ZNF385D: variants seen among roughly 807,000 people sequenced by gnomAD.
The protein encoded by ZNF385D is zinc finger protein 385D.
A neutral mutation model predicts 35.8 loss-of-function variants in ZNF385D; 15 were observed. The ratio of observed to expected loss-of-function variants is 0.42; its 90% CI spans 0.28 to 0.64. The LOEUF is 0.64. Ranked by LOEUF, ZNF385D falls within the 30% of genes least tolerant of loss-of-function variation. ZNF385D has a pLI of 0.23. For synonymous variants in ZNF385D, 212 were observed against 186.8 expected (o/e 1.13, Z -1.10); for missense variants, 474 against 494.6 (o/e 0.96, Z 0.39).
At chr3:21,918,615 A>G (rs772693362) in intron 3 of ZNF385D, among the ~76,000 whole-genome samples, 4 of 152,182 alleles carry the variant, frequency 2.6e-5, no homozygotes, top group Non-Finnish European at 4.4e-5. Context: ...GAAAAGTGAA[A>G]TAATAGCAGA....
chr3:22,179,931 A>C (rs543241680), intron 2 of ZNF385D, among the ~76,000 whole-genome samples: 1 of 152,320 alleles, frequency 6.6e-6, no homozygotes, highest in South Asian at 2.1e-4. Context: ...AGAAATAACA[A>C]AGATCAGAGC....
chr3:22,160,571 A>G (rs191928792), intron 3 of ZNF385D, among the ~76,000 whole-genome samples: 1 of 152,252 alleles, frequency 6.6e-6, no homozygotes, highest in Non-Finnish European at 1.5e-5. Flanking sequence ...TGGAAAGAAA[A>G]AAGAATAGAT....
intron 4 of ZNF385D, among the ~76,000 whole-genome samples, chr3:21,478,688 A>G (rs182240315): frequency 1.2e-4 from 19 of 152,330 alleles, no homozygotes; most frequent in African/African-American, 4.3e-4. Context: ...AAAGAATCAG[A>G]TACTTGAAGT....
intron 4 of ZNF385D, among the ~76,000 whole-genome samples, chr3:21,454,676 C>T (rs576755202): frequency 4.6e-5 from 7 of 152,260 alleles, no homozygotes; most frequent in African/African-American, 1.7e-4. Flanking sequence ...TGAAAACTGG[C>T]ACAAGACAGG....
chr3:21,538,837 A>G (rs1056191037), intron 3 of ZNF385D, among the ~76,000 whole-genome samples: 7 of 152,182 alleles, frequency 4.6e-5, no homozygotes, highest in Admixed American at 6.5e-5. Flanking sequence ...ACTGTCTACA[A>G]TAAGTACATA....
At chr3:21,667,770 A>G (rs2066451336) in intron 1 of ZNF385D, among the ~76,000 whole-genome samples, 1 of 152,198 alleles carries the variant, frequency 6.6e-6, no homozygotes, top group Non-Finnish European at 1.5e-5. Flanking sequence ...ATCTAGCACA[A>G]TGAGAGATAT....
rs143179555 is a variant in ZNF385D at position 21,465,902 on chromosome 3, C to T, written c.440-28699G>A. On this transcript the variant is annotated intron_variant, in intron 4 of 7. Coordinates refer to ENST00000281523, the MANE Select transcript of ZNF385D (RefSeq NM_024697.3). This position sits in a 1 kb window ranked among gnomAD's most constrained non-coding sequence, Gnocchi z 4.2. ...ATCACACCTCAGGATACAGGAGCTG[C>T]CGTGAGCACAAATAGAGATGCTCTT... 0.011 allele frequency among the ~76,000 whole-genome samples: 1,731 copies of T among 152,264 alleles called. 39 individuals carry two copies. The highest frequency in any genetic ancestry group is 0.089 in the South Asian group (427 of 4,820).
chr3:21,456,407 T>C (rs1330715535), intron 4 of ZNF385D, among the ~76,000 whole-genome samples: 1 of 152,050 alleles, frequency 6.6e-6, no homozygotes, highest in East Asian at 1.9e-4. Flanking sequence ...TATGCAGCAA[T>C]AAAAAAGGAT....
At chr3:21,580,336 G>A (rs1055858721) in intron 2 of ZNF385D, among the ~76,000 whole-genome samples, 2 of 152,144 alleles carry the variant, frequency 1.3e-5, no homozygotes, top group African/African-American at 4.8e-5. Flanking sequence ...GAAATAAGTA[G>A]TGTACCAATT....
chr3:22,282,040 G>A (rs750256005), intron 2 of ZNF385D, among the ~76,000 whole-genome samples: 8 of 151,976 alleles, frequency 5.3e-5, no homozygotes, highest in Non-Finnish European at 1.0e-4. Context: ...GTGTAAAGGT[G>A]TTTATAGTAG....
chr3:22,099,590 G>T (rs1461884881), intron 3 of ZNF385D, among the ~76,000 whole-genome samples: 1 of 152,062 alleles, frequency 6.6e-6, no homozygotes. Context: ...GTTAATTTGA[G>T]GGTAAACCTG....
intron 3 of ZNF385D, among the ~76,000 whole-genome samples, chr3:21,792,093 G>A (rs1027351600): frequency 1.3e-5 from 2 of 152,186 alleles, no homozygotes; most frequent in African/African-American, 4.8e-5. Flanking sequence ...ATCAAAAGAT[G>A]GAGGGCCCAA....
intron 3 of ZNF385D, among the ~76,000 whole-genome samples, chr3:21,519,016 T>C (rs1361874305): frequency 1.3e-5 from 2 of 152,152 alleles, no homozygotes; most frequent in African/African-American, 4.8e-5. Context: ...ATGATTCAAT[T>C]AAGGGTATTC....
At chr3:21,914,766 C>G (rs1408376905) in intron 3 of ZNF385D, among the ~76,000 whole-genome samples, 1 of 151,790 alleles carries the variant, frequency 6.6e-6, no homozygotes. Context: ...ATTCTAAATA[C>G]CCCTCGGTTT....
intron 2 of ZNF385D, among the ~76,000 whole-genome samples, chr3:22,278,544 T>C (rs1701551805): frequency 6.6e-6 from 1 of 152,148 alleles, no homozygotes; most frequent in African/African-American, 2.4e-5. Context: ...CTTTAGTTAA[T>C]CCAGTTTAAA....
intron 1 of ZNF385D, among the ~76,000 whole-genome samples, chr3:21,727,316 G>C (rs2068807512): frequency 6.6e-6 from 1 of 152,116 alleles, no homozygotes; most frequent in Non-Finnish European, 1.5e-5. Flanking sequence ...AGCCAAAATT[G>C]ACAAATGGTA....
chr3:21,720,248 C>G (rs376384234), intron 1 of ZNF385D, among the ~76,000 whole-genome samples: 1 of 152,190 alleles, frequency 6.6e-6, no homozygotes, highest in Admixed American at 6.5e-5. Context: ...GCATCGTCAT[C>G]ATCGGGAAAC....
intron 3 of ZNF385D, among the ~76,000 whole-genome samples, chr3:22,061,791 C>T (rs1282700409): frequency 6.6e-6 from 1 of 152,138 alleles, no homozygotes; most frequent in Non-Finnish European, 1.5e-5. Context: ...CTGCTATTAC[C>T]TTTTCCTGAT....
intron 1 of ZNF385D, among the ~76,000 whole-genome samples, chr3:21,740,759 T>A (rs1474602201): frequency 6.6e-6 from 1 of 152,162 alleles, no homozygotes; most frequent in African/African-American, 2.4e-5. Context: ...TGGGGCAATG[T>A]GGAACTTCCC....
Sources: gnomAD v4.1 joint callset for allele counts (sites outside exome capture counted in the v4.1 genomes callset) on GRCh38, gnomAD v4.1.1 for gene constraint, Gnocchi (gnomAD v3.1) non-coding constraint, MANE v1.5 for transcripts, NCBI Gene and HGNC (gene_info 2026-07-23, HGNC 2026-07-21) for gene names.